Variants in GLMN observed in about 807,000 individuals in gnomAD.
GLMN encodes glomulin.
Under a neutral mutation model 87.8 loss-of-function variants are expected in GLMN, and 75 were observed. That is an observed-to-expected ratio of 0.85 (90% CI 0.71 to 1.04). The LOEUF is 1.04. GLMN is among the 50% of genes least tolerant of loss of function. GLMN has a pLI of 0.00. For synonymous variants in GLMN, 206 were observed against 221.6 expected (o/e 0.93, Z 0.63); for missense variants, 588 against 658.8 (o/e 0.89, Z 1.18).
intron 7 of GLMN, among the ~76,000 whole-genome samples, chr1:92,281,811 A>C (rs1284929819): frequency 6.6e-6 from 1 of 151,954 alleles, no homozygotes; most frequent in South Asian, 2.1e-4. Context: ...AAAAAAAAGC[A>C]AGGGTTGCAA....
At chr1:92,263,261 C>G (rs1427759603) in intron 15 of GLMN, among the ~76,000 whole-genome samples, 3 of 151,592 alleles carry the variant, frequency 2.0e-5, no homozygotes, top group Admixed American at 6.6e-5. Flanking sequence ...ATTATATGTT[C>G]TATATGAAAA....
intron 8 of GLMN, among the ~76,000 whole-genome samples, chr1:92,270,954 C>T (rs1409609220): frequency 6.6e-6 from 1 of 152,148 alleles, no homozygotes; most frequent in Non-Finnish European, 1.5e-5. Context: ...AGGGACCAGA[C>T]CAGGCACAAG....
the GLMN span, among the ~76,000 whole-genome samples, chr1:92,356,943 G>A: frequency 6.6e-6 from 1 of 151,920 alleles, no homozygotes; most frequent in Admixed American, 6.6e-5. Flanking sequence ...GGGACCGCCT[G>A]TAATCTCAGC....
chr1:92,298,174 C>A, intron 1 of GLMN, 145 bp from the exon 2 acceptor site: 1 of 578,356 alleles, frequency 1.7e-6, no homozygotes. Flanking sequence ...CAATAGCATG[C>A]TAGGAGAAAA....
chr1:92,325,961 T>C, the GLMN span, among the ~76,000 whole-genome samples: 2 of 152,170 alleles, frequency 1.3e-5, no homozygotes, highest in African/African-American at 4.8e-5. Context: ...TATTTCCAAT[T>C]TGGGGCTATT....
chr1:92,336,475 T>G, the GLMN span: 1 of 1,313,528 alleles, frequency 7.6e-7, no homozygotes, highest in South Asian at 1.2e-5. Flanking sequence ...TTGACTTTAT[T>G]TATTGCCTTG....
chr1:92,317,434 G>A, the GLMN span, among the ~76,000 whole-genome samples: 1 of 152,072 alleles, frequency 6.6e-6, no homozygotes, highest in East Asian at 1.9e-4. Flanking sequence ...CTTCAACCTG[G>A]GAGGCGGAGG....
the GLMN span, among the ~76,000 whole-genome samples, chr1:92,310,780 C>G: frequency 6.6e-6 from 1 of 151,926 alleles, no homozygotes; most frequent in East Asian, 1.9e-4. Context: ...GCCTGTAGCC[C>G]CAGCTACTTG....
the GLMN span, among the ~76,000 whole-genome samples, chr1:92,359,350 G>A: frequency 7.2e-5 from 11 of 152,040 alleles, no homozygotes; most frequent in East Asian, 5.8e-4. Context: ...ACAGAGTTAC[G>A]CTCTTGTTGC....
At chr1:92,317,131 C>T in the GLMN span, among the ~76,000 whole-genome samples, 9 of 152,110 alleles carry the variant, frequency 5.9e-5, no homozygotes, top group African/African-American at 1.2e-4. Flanking sequence ...TGGCCTAATT[C>T]GAATCCTAGA....
At chr1:92,321,801 A>G in the GLMN span, among the ~76,000 whole-genome samples, 1 of 152,034 alleles carries the variant, frequency 6.6e-6, no homozygotes, top group African/African-American at 2.4e-5. Flanking sequence ...TGTGATTTTC[A>G]TTCTGTAGAA....
chr1:92,298,704 A>G lies in GLMN; in HGVS notation c.-31+221T>C, dbSNP rs546953530. ...GCCCCAAGCCCTCAGTAGGGGCGCG[A>G]GTCAGCCCGGTCCTCAGGGCAGCGC... On this transcript the variant is annotated intron_variant, in intron 1 of 18. Transcript: ENST00000370360. 2.6e-5 allele frequency among the ~76,000 whole-genome samples: 4 copies of G among 152,248 alleles called. No homozygotes were observed. In the East Asian group the frequency reaches 7.7e-4, roughly 29 times the overall value.
chr1:92,338,001 G>C, the GLMN span, among the ~76,000 whole-genome samples: 1 of 152,006 alleles, frequency 6.6e-6, no homozygotes, highest in East Asian at 1.9e-4. Flanking sequence ...TTCAATGTTT[G>C]TATTAACTAT....
chr1:92,331,858 A>C, the GLMN span, among the ~76,000 whole-genome samples: 1 of 152,146 alleles, frequency 6.6e-6, no homozygotes, highest in Non-Finnish European at 1.5e-5. Context: ...TCTTTGTCAG[A>C]AAATTATTTT....
chr1:92,302,391 C>T (rs1464898730), upstream of GLMN, among the ~76,000 whole-genome samples: 2 of 150,722 alleles, frequency 1.3e-5, no homozygotes, highest in Non-Finnish European at 2.9e-5. Context: ...TTTAACCAGT[C>T]TGCTAATATC....
At chr1:92,338,758 C>G in the GLMN span, among the ~76,000 whole-genome samples, 2 of 151,426 alleles carry the variant, frequency 1.3e-5, no homozygotes, top group African/African-American at 4.9e-5. Context: ...CAAGCCGCAG[C>G]CTGGCTAATT....
At chr1:92,308,330 A>G in the GLMN span, among the ~76,000 whole-genome samples, 1 of 152,108 alleles carries the variant, frequency 6.6e-6, no homozygotes, top group Non-Finnish European at 1.5e-5. Flanking sequence ...CTTGTTGGGA[A>G]AATAAAAGAC....
At chr1:92,280,916 G>GA (rs1169095404) in intron 7 of GLMN, among the ~76,000 whole-genome samples, 3 of 152,212 alleles carry the variant, frequency 2.0e-5, no homozygotes, top group African/African-American at 7.2e-5. Flanking sequence ...CAAGATTAGA[G>GA]AAAAAAGAGT....
At chr1:92,250,878 C>T (rs191813787) in intron 16 of GLMN, among the ~76,000 whole-genome samples, 1 of 152,084 alleles carries the variant, frequency 6.6e-6, no homozygotes, top group Non-Finnish European at 1.5e-5. Flanking sequence ...TCTAGCTATA[C>T]AATTCTGAGC....
Sources: gnomAD v4.1 joint callset for allele counts (sites outside exome capture counted in the v4.1 genomes callset) on GRCh38, gnomAD v4.1.1 for gene constraint, MANE v1.5 for transcripts, NCBI Gene and HGNC (gene_info 2026-07-23, HGNC 2026-07-21) for gene names.